Variants in CA8 observed in about 807,000 individuals in gnomAD.
CA8 encodes the protein carbonic anhydrase-related protein.
CA8 carries 22 observed loss-of-function variants against 41.4 expected under a neutral mutation model. The observed-to-expected ratio is 0.53, with a 90% CI of 0.38 to 0.76. The LOEUF is 0.76. Ranked by LOEUF, CA8 falls within the 30% of genes least tolerant of loss-of-function variation. The pLI is 0.00. For missense variants in CA8, 270 were observed against 352.8 expected (o/e 0.77, Z 1.88); for synonymous variants, 121 against 130.6 (o/e 0.93, Z 0.50).
At chr8:60,210,239 G>C (rs143998935) in intron 7 of CA8, among the ~76,000 whole-genome samples, 2 of 152,280 alleles carry the variant, frequency 1.3e-5, no homozygotes, top group Non-Finnish European at 2.9e-5. Flanking sequence ...CCAGGGTATT[G>C]AGCAAACGTG....
chr8:60,258,172 TGG>T (rs1803612187), intron 3 of CA8, among the ~76,000 whole-genome samples: 1 of 152,216 alleles, frequency 6.6e-6, no homozygotes, highest in Non-Finnish European at 1.5e-5. Flanking sequence ...TTCACTGTCA[TGG>T]TACCACGGCA....
chr8:60,224,470 T>C, intron 6 of CA8, 67 bp downstream of exon 6: 1 of 929,610 alleles, frequency 1.1e-6, no homozygotes, highest in Non-Finnish European at 1.8e-6. Context: ...TTTTACATAG[T>C]CTGAAGAAAA....
At chr8:60,248,491 C>T (rs569110423) in intron 3 of CA8, among the ~76,000 whole-genome samples, 3 of 152,266 alleles carry the variant, frequency 2.0e-5, no homozygotes, top group Non-Finnish European at 2.9e-5. Context: ...TTTCCCAGCA[C>T]CATTTATTAA....
Position 60,281,197 on chromosome 8 carries a change from T to TCGCGGGG in CA8, c.-51_-50insCCCCGCG, listed in dbSNP as rs1309216236. The TCGCGGGG allele has an allele frequency of 6.6e-6, 9 of 1,353,878 alleles. No individual in the cohort carries two copies. Among genetic ancestry groups the TCGCGGGG allele is most frequent in the Non-Finnish European group, 9.2e-6 (9 of 977,462 alleles). 83.9% of individuals were successfully genotyped at this position (1,353,878 alleles called of 1,614,324 possible). ...GCTCTCGGCAGCAGTGCCTGCGCCT[T>TCGCGGGG]CGCTGGGCGCGGGGCTGGAGCCGGA... On this transcript the variant is annotated 5_prime_UTR_variant, in exon 1 of 9. Transcript: ENST00000317995.
intron 5 of CA8, among the ~76,000 whole-genome samples, chr8:60,225,054 T>C (rs1487964649): frequency 6.6e-6 from 1 of 151,964 alleles, no homozygotes; most frequent in East Asian, 1.9e-4. Context: ...ATTTGGTAAC[T>C]CAGCTCTGGG....
chr8:60,265,735 C>T, intron 3 of CA8, 190 bp downstream of exon 3: 1 of 622,446 alleles, frequency 1.6e-6, no homozygotes, highest in Non-Finnish European at 2.8e-6. Flanking sequence ...ACACGCCAAG[C>T]CACGAGAGTA....
chr8:60,232,394 A>G lies in CA8; in HGVS notation c.418-15T>C. ...ATCAGATGGAGCTGAGTGAGTGGCA[A>G]CAGACAGACCACATCATTTAATGTG... is the stretch of plus-strand genomic sequence containing the variant. On this transcript the variant is annotated splice_polypyrimidine_tract_variant and intron_variant, in intron 3 of 8. Transcript: ENST00000317995. 6.5e-7 allele frequency: 1 copy of G among 1,542,768 alleles called. No homozygotes were observed. Among genetic ancestry groups the G allele is most frequent in the Non-Finnish European group, 9.0e-7 (1 of 1,115,040 alleles).
chr8:60,193,024 A>G (rs1285395866), intron 8 of CA8, among the ~76,000 whole-genome samples: 2 of 151,294 alleles, frequency 1.3e-5, no homozygotes, highest in South Asian at 4.2e-4. Context: ...CCATCCTCCA[A>G]ATATGGCTAT....
At chr8:60,218,797 T>G (rs1807122534) in intron 7 of CA8, among the ~76,000 whole-genome samples, 1 of 152,198 alleles carries the variant, frequency 6.6e-6, no homozygotes, top group African/African-American at 2.4e-5. Flanking sequence ...GTTTTACATG[T>G]ATCATTCATA....
chr8:60,229,697 C>T (rs1807573677), intron 4 of CA8, among the ~76,000 whole-genome samples: 1 of 152,268 alleles, frequency 6.6e-6, no homozygotes, highest in South Asian at 2.1e-4. Context: ...GCCTCTCTGA[C>T]CAGATGCCCC....
chr8:60,271,606 T>C (rs930614015), intron 2 of CA8, among the ~76,000 whole-genome samples: 1 of 152,124 alleles, frequency 6.6e-6, no homozygotes, highest in Non-Finnish European at 1.5e-5. Context: ...AAATAAAATA[T>C]CCTAATTAAA....
At chr8:60,199,314 G>C (rs888164408) in intron 8 of CA8, among the ~76,000 whole-genome samples, 1 of 152,032 alleles carries the variant, frequency 6.6e-6, no homozygotes, top group Admixed American at 6.6e-5. Flanking sequence ...TGTATGCGGA[G>C]TAACCATCTG....
intron 2 of CA8, among the ~76,000 whole-genome samples, chr8:60,271,158 C>T (rs1357396461): frequency 6.6e-6 from 1 of 152,094 alleles, no homozygotes; most frequent in Non-Finnish European, 1.5e-5. Context: ...GCCTGGGTAA[C>T]ATAGCAAGAC....
intron 3 of CA8, among the ~76,000 whole-genome samples, chr8:60,246,076 C>G (rs896893946): frequency 1.3e-5 from 2 of 152,128 alleles, no homozygotes; most frequent in Non-Finnish European, 2.9e-5. Context: ...ACCTCTTTCT[C>G]CAGGACTGAC....
chr8:60,213,660 T>A (rs1187339370), intron 7 of CA8, among the ~76,000 whole-genome samples: 2 of 152,142 alleles, frequency 1.3e-5, no homozygotes, highest in Non-Finnish European at 2.9e-5. Flanking sequence ...AGAAATCTCA[T>A]CAATAACTTT....
intron 2 of CA8, among the ~76,000 whole-genome samples, chr8:60,275,907 G>T (rs1332996637): frequency 1.3e-5 from 2 of 152,202 alleles, no homozygotes; most frequent in Admixed American, 6.5e-5. Context: ...CAACTGCAAC[G>T]CTGGAAGCTT....
intron 3 of CA8, among the ~76,000 whole-genome samples, chr8:60,245,763 A>G (rs988462159): frequency 6.6e-6 from 1 of 152,176 alleles, no homozygotes; most frequent in Non-Finnish European, 1.5e-5. Flanking sequence ...GAGGTTTTCA[A>G]AAAGGTCAAT....
At chr8:60,262,087 G>A (rs1292748239) in intron 3 of CA8, among the ~76,000 whole-genome samples, 1 of 152,116 alleles carries the variant, frequency 6.6e-6, no homozygotes, top group African/African-American at 2.4e-5. Context: ...TATGAGAGTA[G>A]CTATTCGTGT....
intron 3 of CA8, among the ~76,000 whole-genome samples, chr8:60,237,347 T>C (rs867283429): frequency 2.6e-5 from 4 of 152,350 alleles, no homozygotes; most frequent in South Asian, 2.1e-4. Flanking sequence ...GCATTATATA[T>C]AGCCAGCAAA....
Sources: allele counts gnomAD v4.1 joint callset (sites outside exome capture counted in the v4.1 genomes callset), GRCh38; gene constraint gnomAD v4.1.1; transcripts MANE v1.5; gene names NCBI Gene and HGNC (gene_info 2026-07-23, HGNC 2026-07-21).